MND1: variants seen among roughly 807,000 people sequenced by gnomAD.
The protein encoded by MND1 is meiotic nuclear division protein 1 homolog.
MND1 carries 28 observed loss-of-function variants against 35.1 expected under a neutral mutation model. That is an observed-to-expected ratio of 0.80 (90% confidence interval 0.59 to 1.09). MND1 has a LOEUF of 1.09. MND1 is among the 50% of genes least tolerant of loss of function. The pLI is 0.00. For missense variants in MND1, 213 were observed against 239.6 expected, an observed-to-expected ratio of 0.89 and a Z score of 0.73; for synonymous variants, 69 against 70.5, an observed-to-expected ratio of 0.98 and a Z score of 0.11.
intron 4 of MND1, among the ~76,000 whole-genome samples, chr4:153,374,523 C>A (rs1728442103): frequency 6.6e-6 from 1 of 152,082 alleles, no homozygotes; most frequent in African/African-American, 2.4e-5. Context: ...AACTAGGTTC[C>A]AAACTTAAGG....
At chr4:153,376,048 G>A (rs2149642979) in intron 4 of MND1, among the ~76,000 whole-genome samples, 1 of 152,212 alleles carries the variant, frequency 6.6e-6, no homozygotes, top group South Asian at 2.1e-4. Flanking sequence ...AATTTTTTTA[G>A]TATTTGGATG....
chr4:153,397,706 G>C lies in MND1; in HGVS notation c.466+373G>C, dbSNP rs115507802. On this transcript the variant is annotated intron_variant, in intron 6 of 7. Coordinates refer to ENST00000240488, the MANE Select transcript of MND1 (RefSeq NM_032117.4). ...ATGGTGACAGATGCCAGTAGTCCCA[G>C]CTACTCAGGAGGCTGGGGTGGGAGA... is the stretch of plus-strand genomic sequence containing the variant. Among the ~76,000 whole-genome samples, 1,397 of 152,050 alleles carry C rather than the reference G, an allele frequency of 9.2e-3. 9 individuals carry two copies. The highest frequency in any genetic ancestry group is 0.015 in the Non-Finnish European group (1,003 of 67,982).
intron 2 of MND1, 63 bp downstream of exon 2, chr4:153,350,192 A>G (rs564202970): frequency 3.5e-6 from 4 of 1,135,774 alleles, no homozygotes; most frequent in Non-Finnish European, 5.2e-6. Flanking sequence ...TATGTCATCC[A>G]ATGTTAACTG....
intron 1 of MND1, among the ~76,000 whole-genome samples, chr4:153,345,175 A>C (rs1235911493): frequency 2.0e-5 from 3 of 152,224 alleles, no homozygotes; most frequent in Non-Finnish European, 4.4e-5. Context: ...CCCCCCATTA[A>C]GAACGGGGAG....
chr4:153,408,912 G>GTT, intron 6 of MND1, 59 bp from the exon 7 acceptor site: 1 of 317,422 alleles, frequency 3.2e-6, no homozygotes, highest in Middle Eastern at 1.4e-3. Flanking sequence ...CATTTTGTGT[G>GTT]TATATATATA....
intron 1 of MND1, among the ~76,000 whole-genome samples, chr4:153,349,726 A>G (rs959331385): frequency 6.6e-6 from 1 of 152,230 alleles, no homozygotes; most frequent in Non-Finnish European, 1.5e-5. Flanking sequence ...TGGTGCATGT[A>G]GCTGTTCATT....
chr4:153,402,087 G>A (rs988595661), intron 6 of MND1, among the ~76,000 whole-genome samples: 2 of 152,068 alleles, frequency 1.3e-5, no homozygotes, highest in African/African-American at 2.4e-5. Context: ...CTGGGGAGGC[G>A]AAGGCTGCAA....
At chr4:153,410,225 C>T (rs935728103) in intron 7 of MND1, among the ~76,000 whole-genome samples, 3 of 151,966 alleles carry the variant, frequency 2.0e-5, no homozygotes, top group African/African-American at 7.3e-5. Flanking sequence ...TAAAAAAGTT[C>T]ATGTTTTCCA....
chr4:153,353,405 AT>A (rs1773263345), intron 2 of MND1, among the ~76,000 whole-genome samples: 1 of 2,320 alleles, frequency 4.3e-4, no homozygotes, highest in Non-Finnish European at 8.0e-4. Flanking sequence ...ACTTTATCAC[AT>A]ATATATATAT....
chr4:153,385,028 C>T (rs544314362), intron 4 of MND1, among the ~76,000 whole-genome samples: 71 of 152,326 alleles, frequency 4.7e-4, no homozygotes, highest in Non-Finnish European at 9.4e-4. Context: ...ACATCCAGTA[C>T]TCACTACATG....
In MND1 at chr4:153,397,297, T is replaced by C. The variant is rs761109842; in HGVS notation, c.430T>C (p.Tyr144His). The change falls in exon 6 of 8, where the codon TAC (tyrosine) becomes CAC (histidine). Residue 144 changes from tyrosine (Y) to histidine (H), a missense_variant. Tyr to His is a moderately conservative substitution (Grantham distance 83). Transcript: ENST00000240488. ...REQLKAEVEK[Y>H]KDCDPQVVEE... Reference sequence around the variant, plus strand: ...ACAGCTAAAGGCAGAAGTAGAAAAATACAAAGACTGTGATCCGCAAGTTGT... The same window carrying C: ...ACAGCTAAAGGCAGAAGTAGAAAAACACAAAGACTGTGATCCGCAAGTTGT... 1.2e-6 allele frequency: 2 copies of C among 1,612,592 alleles called. No individual in the cohort carries two copies. Among genetic ancestry groups the C allele is most frequent in the South Asian group, 1.1e-5 (1 of 90,818 alleles).
intron 1 of MND1, 122 bp downstream of exon 1, chr4:153,344,862 G>T (rs952899398): frequency 2.0e-6 from 3 of 1,483,020 alleles, no homozygotes; most frequent in Non-Finnish European, 2.7e-6. Context: ...GGGAGCGGTC[G>T]CCCGGCTCTC....
intron 4 of MND1, among the ~76,000 whole-genome samples, chr4:153,366,932 G>A (rs973243057): frequency 2.2e-4 from 33 of 152,094 alleles, no homozygotes; most frequent in African/African-American, 4.8e-4. Flanking sequence ...TTGGGATTCC[G>A]TCTCAGGTAT....
chr4:153,345,417 T>G (rs1162258794), intron 1 of MND1: 5 of 985,544 alleles, frequency 5.1e-6, no homozygotes, highest in Non-Finnish European at 6.0e-6. Context: ...TTGTGCCGGG[T>G]GCTGCTGGTT....
At chr4:153,413,534 C>T (rs913610585) in intron 7 of MND1, among the ~76,000 whole-genome samples, 1 of 151,770 alleles carries the variant, frequency 6.6e-6, no homozygotes, top group Admixed American at 6.6e-5. Context: ...CAAAAGTTGC[C>T]GGGTATGGTG....
At chr4:153,409,661 C>G (rs902660783) in intron 7 of MND1, among the ~76,000 whole-genome samples, 3 of 152,260 alleles carry the variant, frequency 2.0e-5, no homozygotes, top group African/African-American at 7.2e-5. Context: ...TTCTCTGACT[C>G]CCTGTCCAGG....
At chr4:153,404,329 G>A (rs1385281703) in intron 6 of MND1, among the ~76,000 whole-genome samples, 4 of 142,674 alleles carry the variant, frequency 2.8e-5, no homozygotes, top group Non-Finnish European at 3.0e-5. Flanking sequence ...CTACAGGCAC[G>A]TGCCACCACG....
intron 4 of MND1, among the ~76,000 whole-genome samples, chr4:153,386,876 A>G (rs568003769): frequency 7.8e-4 from 119 of 152,338 alleles, no homozygotes; most frequent in Non-Finnish European, 1.5e-3. Context: ...TGTAAAGCAA[A>G]GAAATAAGAC....
intron 4 of MND1, among the ~76,000 whole-genome samples, chr4:153,368,562 A>G (rs1773714782): frequency 6.6e-6 from 1 of 152,200 alleles, no homozygotes; most frequent in African/African-American, 2.4e-5. Flanking sequence ...TTTCCTGAAA[A>G]AGGCAAAGCT....
Sources: allele counts gnomAD v4.1 joint callset (sites outside exome capture counted in the v4.1 genomes callset), GRCh38; gene constraint gnomAD v4.1.1; transcripts MANE v1.5; gene names NCBI Gene and HGNC (gene_info 2026-07-23, HGNC 2026-07-21).